The following TUBGCP6 variants were observed in gnomAD, a reference collection of about 807,000 sequenced individuals.
TUBGCP6 encodes gamma-tubulin complex component 6.
In TUBGCP6, 161 loss-of-function variants were observed where a neutral mutation model predicts 175.8. That is an observed-to-expected ratio of 0.92 (90% confidence interval 0.81 to 1.04). The LOEUF (loss-of-function observed/expected upper bound fraction) is 1.04, where lower values mean the gene tolerates loss of function less well. Among genes scored for constraint, TUBGCP6 ranks in the 50% least tolerant of loss-of-function variants. TUBGCP6 has a pLI of 0.00. For missense variants in TUBGCP6, 2,572 were observed against 2,433.0 expected, an observed-to-expected ratio of 1.06 and a Z score of -1.20; for synonymous variants, 1,173 against 1,030.5, an observed-to-expected ratio of 1.14 and a Z score of -2.65.
Position 50,244,534 on chromosome 22 carries a change from G to A in TUBGCP6, c.-75C>T, listed in dbSNP as rs2064894237. ...GGCTTCACTCACGCTCCGGAAGACA[G>A]GGAGTGAGAGAGGGTCCGAAGAGGC... On this transcript the variant is annotated 5_prime_UTR_variant, in exon 1 of 25. Transcript: ENST00000248846. The A allele has an allele frequency of 6.0e-6, 9 of 1,489,294 alleles. No individual in the cohort carries two copies. Among genetic ancestry groups the A allele is most frequent in the East Asian group, 2.4e-5 (1 of 41,228 alleles). 92.3% of individuals were successfully genotyped at this position (1,489,294 alleles called of 1,614,324 possible). A position where few individuals can be genotyped will look rare whatever the true frequency, so the allele number is the denominator to read the frequency against.
Position 50,244,330 on chromosome 22 carries a change from C to A in TUBGCP6, c.130G>T (p.Ala44Ser), listed in dbSNP as rs754391892. 6.2e-7 allele frequency: 1 copy of A among 1,613,574 alleles called. No individual in the cohort carries two copies. The highest frequency in any genetic ancestry group is 1.7e-5 in the Admixed American group (1 of 60,028). The change falls in exon 1 of 25, where the codon GCT (alanine) becomes TCT (serine). Residue 44 changes from alanine to serine, a missense_variant. Physicochemically the swap from Ala to Ser is moderately conservative, Grantham distance 99. Transcript: ENST00000248846. Reference protein sequence around the residue: ...KRSLKKVAYNALFTNLFQDET... With the variant: ...KRSLKKVAYNSLFTNLFQDET... ...TCTTGAAAAAGATTTGTGAAAAGAG[C>A]ATTGTAGGCCACCTTCTTGAGGCTC...
At position 50,226,264 on chromosome 22, in the gene TUBGCP6, C is replaced by T. The variant is rs1031961269; in HGVS notation, c.1693+23G>A. 3 of 1,613,938 alleles carry T rather than the reference C, an allele frequency of 1.9e-6. No homozygotes were observed. The African/African-American group carries it at 4.0e-5, about 22-fold the overall frequency. ...CCAGGCCCACAGGCACGGACCCCTG[C>T]CCCGCAATCAGCTGCCACCTACCTC... On this transcript the variant is annotated intron_variant, in intron 8 of 24. Transcript: ENST00000248846.
chr22:50,234,361 G>T (rs1241600994), intron 2 of TUBGCP6, among the ~76,000 whole-genome samples: 5 of 118,112 alleles, frequency 4.2e-5, no homozygotes, highest in Admixed American at 8.6e-5. Context: ...GTCCACAGCA[G>T]CATCCACACC....
At position 50,224,188 on chromosome 22, in the gene TUBGCP6, C is replaced by G. The variant is rs1319030781; in HGVS notation, c.2223G>C (p.Arg741Ser). Residue 741 changes from arginine (R) to serine (S), a missense_variant, in exon 13 of 25, where the codon AGG (arginine) becomes AGC (serine). Coordinates refer to ENST00000248846, the MANE Select transcript of TUBGCP6 (RefSeq NM_020461.4). ...CCTCCAGGGACTTCAGCCTTCTCTC[C>G]CTGTCTCGGAGTTCACGGGCGTAGC... ...DFSYARELRD[R>S]ERRLKSLEEE... The G allele has an allele frequency of 6.2e-7, 1 of 1,614,136 alleles. No homozygotes were observed. Among genetic ancestry groups the G allele is most frequent in the East Asian group, 2.2e-5 (1 of 44,892 alleles).
At position 50,221,040 on chromosome 22, in the gene TUBGCP6, G is replaced by A. The variant is rs1162034109; in HGVS notation, c.3319C>T (p.His1107Tyr). 2 of 1,612,246 alleles carry A rather than the reference G, an allele frequency of 1.2e-6. No homozygotes were observed. Among genetic ancestry groups the A allele is most frequent in the South Asian group, 2.2e-5 (2 of 90,932 alleles). Residue 1107 changes from histidine (H) to tyrosine (Y), a missense_variant, in exon 16 of 25, where the codon CAT becomes TAT. Coordinates refer to ENST00000248846, the MANE Select transcript of TUBGCP6 (RefSeq NM_020461.4). Reference sequence around the variant, plus strand: ...ATGCTGGCGTTGGACACATGTCCATGGATGTTCCACCGTGGCCGAGTGGGA... The same window carrying A: ...ATGCTGGCGTTGGACACATGTCCATAGATGTTCCACCGTGGCCGAGTGGGA... ...VAPTRPRWNIHGHVSNASIRV... is the reference protein window; with the variant it reads ...VAPTRPRWNIYGHVSNASIRV...
rs2147171008 is a variant in TUBGCP6, at chr22:50,217,954, T to C, written c.5332A>G (p.Asn1778Asp). 4 of 1,610,330 alleles carry C rather than the reference T, an allele frequency of 2.5e-6. No individual in the cohort carries two copies. The highest frequency in any genetic ancestry group is 1.1e-5 in the South Asian group (1 of 90,910). ...AAGTGGGAGTAGTACTTGAAGGTGT[T>C]GTAGGACTGCTGCATGAGTGCAAAG... ...PNFALMQQSY[N>D]TFKYYSHFLF... Residue 1778 changes from asparagine (N) to aspartate (D), a missense_variant, in exon 24 of 25, where the codon AAC (asparagine) becomes GAC (aspartate). Asn to Asp is a conservative substitution (Grantham distance 23). Coordinates refer to ENST00000248846, the MANE Select transcript of TUBGCP6 (RefSeq NM_020461.4).
intron 4 of TUBGCP6, among the ~76,000 whole-genome samples, chr22:50,228,538 C>G (rs994500260): frequency 6.6e-5 from 10 of 152,276 alleles, no homozygotes; most frequent in African/African-American, 2.4e-4. Context: ...ACAGGGGCAC[C>G]CTGGACCAAT....
rs140735008 is a variant in TUBGCP6, at chr22:50,233,463, G to A, written c.969C>T (p.Phe323=). The change falls in exon 3 of 25, where the codon TTC becomes TTT. Residue 323 remains phenylalanine, a synonymous_variant. Transcript: ENST00000248846. ...GGAGCTCCCCTTGGTGGAGCCTGCA[G>A]AACTTGTCGAAAGCGTCCCTTCCCG... ...TEAGRDAFDK[F]CRLHQGELQL... 8.8e-5 allele frequency: 142 copies of A among 1,612,866 alleles called. No individual in the cohort carries two copies. The highest frequency in any genetic ancestry group is 1.1e-4 in the Non-Finnish European group (135 of 1,179,512).
chr22:50,221,924 C>T (rs771355959), intron 15 of TUBGCP6, 50 bp from the exon 16 acceptor site: 1 of 1,559,184 alleles, frequency 6.4e-7, no homozygotes, highest in South Asian at 1.2e-5. Context: ...ACCCCCCAGC[C>T]CTCGAACTGT....
chr22:50,219,170 G>A lies in TUBGCP6; in HGVS notation c.4524C>T (p.Phe1508=), dbSNP rs767610714. ...LVNKAAVDYF[F]VELHLEAHYE... Reference sequence around the variant, plus strand: ...AGTGCGCCTCCAGGTGCAGCTCCACGAAGAAGTAGTCGACAGCGGCCTTGT... The same window carrying A: ...AGTGCGCCTCCAGGTGCAGCTCCACAAAGAAGTAGTCGACAGCGGCCTTGT... Residue 1508 remains phenylalanine (F), a synonymous_variant, in exon 20 of 25, where the codon TTC becomes TTT. Transcript: ENST00000248846. 25 of 1,612,142 alleles carry A rather than the reference G, an allele frequency of 1.6e-5. No homozygotes were observed. Among genetic ancestry groups the A allele is most frequent in the African/African-American group, 4.0e-5 (3 of 74,942 alleles).
In TUBGCP6 at chr22:50,241,388, T is replaced by C. The variant is rs577819888; in HGVS notation, c.742-1021A>G. Among the ~76,000 whole-genome samples the C allele has an allele frequency of 9.2e-5, 14 of 152,184 alleles. No homozygotes were observed. The South Asian group carries it at 2.7e-3, about 29-fold the overall frequency. On this transcript the variant is annotated intron_variant, in intron 1 of 24. Coordinates refer to ENST00000248846, the MANE Select transcript of TUBGCP6 (RefSeq NM_020461.4). ...AGTGCCTAGGAAAAGCACCCACTAC[T>C]TAGCAGACCAGGAAAGGGAGTCTCC...
At chr22:50,243,308 C>T (rs1450898122) in intron 1 of TUBGCP6, among the ~76,000 whole-genome samples, 1 of 152,044 alleles carries the variant, frequency 6.6e-6, no homozygotes, top group Non-Finnish European at 1.5e-5. Flanking sequence ...CTTAGCTGGG[C>T]GTGGTGGCAT....
intron 4 of TUBGCP6, among the ~76,000 whole-genome samples, chr22:50,228,455 C>T (rs576822064): frequency 4.6e-5 from 7 of 152,256 alleles, no homozygotes; most frequent in South Asian, 4.1e-4. Flanking sequence ...GCAGCTGCTC[C>T]GACCACAGCT....
Position 50,226,756 on chromosome 22 carries a change from C to G in TUBGCP6, c.1578G>C (p.Lys526Asn). 1.3e-6 allele frequency: 2 copies of G among 1,589,962 alleles called. No individual in the cohort carries two copies. Among genetic ancestry groups the G allele is most frequent in the Non-Finnish European group, 1.7e-6 (2 of 1,169,156 alleles). Residue 526 changes from lysine to asparagine, a missense_variant, in exon 7 of 25, where the codon AAG (lysine) becomes AAC (asparagine). Lys to Asn is a moderately conservative substitution (Grantham distance 94). Coordinates refer to ENST00000248846, the MANE Select transcript of TUBGCP6 (RefSeq NM_020461.4). ...ACCGGGTGTAGGGCTCGCAGCTGGT[C>G]TTCAGCAGGGACAGCAGTACAGGGT... The part of the protein sequence containing the change: ...EHYPVLLSLL[K>N]TSCEPYTRFI...
rs570048041 is a variant in TUBGCP6, at chr22:50,222,582, C to G, written c.2281G>C (p.Val761Leu). Reference sequence around the variant, plus strand: ...GCAGAGAGCTTGCTGTAGTGGTCGACCAGTGCCTGCCTGAAGCCACACACC... The same window carrying G: ...GCAGAGAGCTTGCTGTAGTGGTCGAGCAGTGCCTGCCTGAAGCCACACACC... ...ELERKARQAL[V>L]DHYSKLSAEA... Residue 761 changes from valine to leucine, a missense_variant, in exon 14 of 25, where the codon GTC becomes CTC. Physicochemically the swap from Val to Leu is conservative, Grantham distance 32. Coordinates refer to ENST00000248846, the MANE Select transcript of TUBGCP6 (RefSeq NM_020461.4). 4 of 1,611,460 alleles carry G rather than the reference C, an allele frequency of 2.5e-6. No homozygotes were observed. Among genetic ancestry groups the G allele is most frequent in the African/African-American group, 2.7e-5 (2 of 75,036 alleles).
chr22:50,222,719 A>C (rs1281026312), intron 13 of TUBGCP6, 127 bp from the exon 14 acceptor site: 2 of 1,343,146 alleles, frequency 1.5e-6, no homozygotes, highest in African/African-American at 2.9e-5. Context: ...GTCTCCCCCT[A>C]CCAGGGGCTG....
At chr22:50,241,983 C>CAAAAAAAAAAAAAAAA (rs55647714) in intron 1 of TUBGCP6, among the ~76,000 whole-genome samples, 1 of 92,806 alleles carries the variant, frequency 1.1e-5, no homozygotes, top group African/African-American at 5.1e-5. Flanking sequence ...GACTCCATCT[C>CAAAAAAAAAAAAAAAA]AAAAAAAAAA....
In TUBGCP6 at chr22:50,219,461, G is replaced by C. The variant is rs543188207; in HGVS notation, c.4316-5C>G. On this transcript the variant is annotated splice_polypyrimidine_tract_variant and splice_region_variant and intron_variant, in intron 18 of 24. Transcript: ENST00000248846. ...GATGAGCAATGGGCGGCTCGGCTGC[G>C]GGAGATGGAGCACGCACGTGCTGGG... 2.5e-6 allele frequency: 4 copies of C among 1,584,438 alleles called. No individual in the cohort carries two copies. The African/African-American group carries it at 4.0e-5, about 16-fold the overall frequency.
chr22:50,241,983 C>CAAAAAAA lies in TUBGCP6; in HGVS notation c.742-1623_742-1617dup, dbSNP rs55647714. Among the ~76,000 whole-genome samples, 64 of 92,786 alleles carry CAAAAAAA rather than the reference C, an allele frequency of 6.9e-4. 4 individuals are homozygous for CAAAAAAA. The highest frequency in any genetic ancestry group is 4.6e-3 in the South Asian group (14 of 3,052). The allele number at this position is 92,786 out of a possible 152,430, so 60.9% of individuals were successfully genotyped here. On this transcript the variant is annotated intron_variant, in intron 1 of 24. Transcript: ENST00000248846. ...CTGGTCCCTACACAAGACTCCATCT[C>CAAAAAAA]AAAAAAAAAAAAAAAAAAAAAAAAA...
Sources: gnomAD v4.1 joint callset for allele counts (sites outside exome capture counted in the v4.1 genomes callset) on GRCh38, gnomAD v4.1.1 for gene constraint, MANE v1.5 for transcripts, NCBI Gene and HGNC (gene_info 2026-07-23, HGNC 2026-07-21) for gene names.